CSMD3: variants seen among roughly 807,000 people sequenced by gnomAD.
CSMD3 encodes the protein CUB and Sushi multiple domains 3, also known as CUB and sushi domain-containing protein 3.
A neutral mutation model predicts 435.2 loss-of-function variants in CSMD3; 177 were observed. That is an observed-to-expected ratio of 0.41 (90% confidence interval 0.36 to 0.46). The LOEUF (loss-of-function observed/expected upper bound fraction) is 0.46. Ranked by LOEUF, CSMD3 falls within the 20% of genes least tolerant of loss-of-function variation. CSMD3 has a pLI of 0.34. For synonymous variants in CSMD3, 1,656 were observed against 1,520.5 expected (o/e 1.09, Z -2.07); for missense variants, 4,265 against 4,504.6 (o/e 0.95, Z 1.52).
At chr8:113,334,937 TACGG>T (rs1018716265) in intron 1 of CSMD3, among the ~76,000 whole-genome samples, 14 of 152,054 alleles carry the variant, frequency 9.2e-5, no homozygotes, top group African/African-American at 3.4e-4. Flanking sequence ...ATATTGGCCA[TACGG>T]TTTGGATCTA....
At chr8:112,269,729 TTCTC>T (rs1341550974) in intron 59 of CSMD3, among the ~76,000 whole-genome samples, 3 of 152,208 alleles carry the variant, frequency 2.0e-5, no homozygotes, top group African/African-American at 7.2e-5. Context: ...TTATTATATC[TTCTC>T]TCTCTGTCTG....
chr8:113,301,502 T>G (rs1036633058), intron 2 of CSMD3, among the ~76,000 whole-genome samples: 1 of 151,948 alleles, frequency 6.6e-6, no homozygotes, highest in Non-Finnish European at 1.5e-5. Flanking sequence ...TTAAAATGAA[T>G]GAAATGAGGT....
intron 11 of CSMD3, among the ~76,000 whole-genome samples, chr8:112,856,078 G>A (rs768638485): frequency 3.3e-5 from 5 of 151,830 alleles, no homozygotes; most frequent in Admixed American, 6.6e-5. Flanking sequence ...CTTAATGCAA[G>A]AAGAACAATT....
intron 13 of CSMD3, among the ~76,000 whole-genome samples, chr8:112,753,523 C>G (rs2077621742): frequency 6.6e-6 from 1 of 152,094 alleles, no homozygotes; most frequent in African/African-American, 2.4e-5. Flanking sequence ...AAGAGAAGGC[C>G]TCATTGTAAA....
rs1178732230 is a variant in CSMD3 at position 112,804,664 on chromosome 8, TA to T, written c.1860-4391del. On this transcript the variant is annotated intron_variant, in intron 12 of 70. Coordinates refer to ENST00000297405, the MANE Select transcript of CSMD3 (RefSeq NM_198123.2). The stretch of plus-strand genomic sequence containing the variant: ...CTAACTCATTGCATTTATTTTATTT[TA>T]TTTTATTTTATTTTTTTTGAGATGA... Among the ~76,000 whole-genome samples the T allele has an allele frequency of 1.5e-3, 233 of 150,968 alleles. 5 individuals carry two copies. The highest frequency in any genetic ancestry group is 0.011 in the Admixed American group (165 of 15,102).
chr8:112,956,089 G>C (rs1283154244), intron 7 of CSMD3, among the ~76,000 whole-genome samples: 1 of 151,902 alleles, frequency 6.6e-6, no homozygotes, highest in African/African-American at 2.4e-5. Context: ...ATTATCGTTG[G>C]AGCAGGATTT....
Position 112,975,951 on chromosome 8 carries a change from T to C in CSMD3, c.1228A>G (p.Thr410Ala), listed in dbSNP as rs2130933036. 6.2e-7 allele frequency: 1 copy of C among 1,614,056 alleles called. No individual in the cohort carries two copies. Among genetic ancestry groups the C allele is most frequent in the Middle Eastern group, 1.7e-4 (1 of 6,058 alleles). ...SLRNSGLDPNTSKDGLSPHPA... is the reference protein window; with the variant it reads ...SLRNSGLDPNASKDGLSPHPA... The stretch of plus-strand genomic sequence containing the variant: ...TGAGGAGAGAGCCCGTCCTTGGACG[T>C]GTTGGGGTCCAGACCTGAATTTCTG... The change falls in exon 7 of 71, where the codon ACG becomes GCG. Residue 410 changes from threonine to alanine, a missense_variant. Around this residue, in one of 3 missense-constraint regions of CSMD3, gnomAD observed 731 missense variants for 755.4 expected, o/e 0.97. Coordinates refer to ENST00000297405, the MANE Select transcript of CSMD3 (RefSeq NM_198123.2).
chr8:112,796,500 T>C (rs539569592), intron 13 of CSMD3, among the ~76,000 whole-genome samples: 40 of 152,222 alleles, frequency 2.6e-4, no homozygotes, highest in African/African-American at 9.1e-4. Context: ...AATTGGAATA[T>C]GCAAGGCTCT....
intron 9 of CSMD3, among the ~76,000 whole-genome samples, chr8:112,929,705 T>C (rs1275510578): frequency 6.6e-6 from 1 of 152,040 alleles, no homozygotes; most frequent in East Asian, 1.9e-4. Context: ...AGGATAATGA[T>C]ATACTTTGAT....
chr8:112,352,696 A>C (rs1826242119), intron 38 of CSMD3, among the ~76,000 whole-genome samples, 162 bp from the exon 39 acceptor site: 1 of 152,210 alleles, frequency 6.6e-6, no homozygotes, highest in African/African-American at 2.4e-5. Context: ...GTAGATGTCA[A>C]GAATAATGCA....
In CSMD3 at chr8:112,421,513, C is replaced by T. The variant is rs193235575; in HGVS notation, c.5396-12481G>A. Among the ~76,000 whole-genome samples, 124 of 150,192 alleles carry T rather than the reference C, an allele frequency of 8.3e-4. 1 individual carries two copies. Among genetic ancestry groups the T allele is most frequent in the African/African-American group, 2.8e-3 (115 of 40,964 alleles). Reference sequence around the variant, plus strand: ...GAGCCAAGATTGTGCCACTGCACTCCAGCCTCGGTGATAGAGGAGGACCCC... The same window carrying T: ...GAGCCAAGATTGTGCCACTGCACTCTAGCCTCGGTGATAGAGGAGGACCCC... On this transcript the variant is annotated intron_variant, in intron 32 of 70. Coordinates refer to ENST00000297405, the MANE Select transcript of CSMD3 (RefSeq NM_198123.2).
chr8:112,320,854 C>A (rs1822930575), intron 45 of CSMD3, among the ~76,000 whole-genome samples: 1 of 152,128 alleles, frequency 6.6e-6, no homozygotes, highest in African/African-American at 2.4e-5. Context: ...AGAGCCTTGT[C>A]TTGCCATGCT....
intron 22 of CSMD3, among the ~76,000 whole-genome samples, chr8:112,592,414 C>T (rs1042278037): frequency 1.3e-5 from 2 of 151,936 alleles, no homozygotes; most frequent in East Asian, 1.9e-4. Context: ...CAAGGGCAAA[C>T]TAGTGCTACT....
At chr8:113,303,669 C>T (rs1272421839) in intron 2 of CSMD3, among the ~76,000 whole-genome samples, 1 of 136,228 alleles carries the variant, frequency 7.3e-6, no homozygotes, top group African/African-American at 2.7e-5. Context: ...GGAAAGGATT[C>T]CCTATTTAAT....
At chr8:112,482,911 C>A (rs990924928) in intron 31 of CSMD3, among the ~76,000 whole-genome samples, 2 of 152,042 alleles carry the variant, frequency 1.3e-5, no homozygotes, top group African/African-American at 4.8e-5. Flanking sequence ...TTTTGTATGG[C>A]TATTTGATTA....
At chr8:112,415,623 C>T (rs532487870) in intron 32 of CSMD3, among the ~76,000 whole-genome samples, 9 of 152,266 alleles carry the variant, frequency 5.9e-5, no homozygotes, top group East Asian at 1.9e-4. Context: ...CAGCTTGTAT[C>T]GTGCACCAGG....
intron 5 of CSMD3, among the ~76,000 whole-genome samples, chr8:113,092,347 A>T (rs2090033646): frequency 1.3e-5 from 2 of 152,098 alleles, no homozygotes; most frequent in Non-Finnish European, 2.9e-5. Context: ...ACTAGTGAGT[A>T]TTCATTATAC....
chr8:112,639,600 A>G (rs1355476142), intron 20 of CSMD3, among the ~76,000 whole-genome samples: 1 of 152,136 alleles, frequency 6.6e-6, no homozygotes, highest in Non-Finnish European at 1.5e-5. Context: ...TCCAGAAGTA[A>G]CCACTCACTT....
chr8:112,299,787 G>C (rs1253706408), intron 53 of CSMD3, among the ~76,000 whole-genome samples: 1 of 151,940 alleles, frequency 6.6e-6, no homozygotes, highest in African/African-American at 2.4e-5. Context: ...TTTGGTAACT[G>C]TACTTTCCTC....
Sources: allele counts gnomAD v4.1 joint callset (sites outside exome capture counted in the v4.1 genomes callset), GRCh38; gene constraint gnomAD v4.1.1; regional missense constraint gnomAD v4.1.1; transcripts MANE v1.5; gene names NCBI Gene and HGNC (gene_info 2026-07-23, HGNC 2026-07-21).